Variants in NACA observed in about 807,000 individuals in gnomAD.
NACA encodes the protein nascent polypeptide-associated complex subunit alpha.
Under a neutral mutation model 86.4 loss-of-function variants are expected in NACA, and 42 were observed. That is an observed-to-expected ratio of 0.49 (90% CI 0.38 to 0.63). The LOEUF is 0.63. NACA is among the 20% of genes least tolerant of loss of function. The pLI is 0.00. For synonymous variants in NACA, 898 were observed against 973.7 expected, an observed-to-expected ratio of 0.92 and a Z score of 1.45; for missense variants, 2,157 against 2,483.6, an observed-to-expected ratio of 0.87 and a Z score of 2.80.
In NACA at chr12:56,718,971, C is replaced by T. The variant is rs376972317; in HGVS notation, c.2559G>A (p.Thr853=). ...FQGSKDSPAT[T]HSPTPPSPKG... Reference sequence around the variant, plus strand: ...TGGGGGATGGAGGAGTGGGAGAATGCGTCGTGGCTGGTGAGTCTTTAGAGC... The same window carrying T: ...TGGGGGATGGAGGAGTGGGAGAATGTGTCGTGGCTGGTGAGTCTTTAGAGC... Residue 853 remains threonine (T), a synonymous_variant, in exon 3 of 9, where the codon ACG becomes ACA. Coordinates refer to ENST00000454682, the MANE Select transcript of NACA (RefSeq NM_001365896.1). 58 of 1,446,524 alleles carry T rather than the reference C, an allele frequency of 4.0e-5. No homozygotes were observed. The highest frequency in any genetic ancestry group is 2.7e-4 in the African/African-American group (19 of 71,432). 89.6% of individuals were successfully genotyped at this position (1,446,524 alleles called of 1,614,324 possible).
chr12:56,716,943 T>G lies in NACA; in HGVS notation c.4587A>C (p.Pro1529=). 7.7e-7 allele frequency: 1 copy of G among 1,297,780 alleles called. No individual in the cohort carries two copies. Among genetic ancestry groups the G allele is most frequent in the Non-Finnish European group, 1.0e-6 (1 of 1,003,634 alleles). 80.4% of individuals were successfully genotyped at this position (1,297,780 alleles called of 1,614,324 possible). A position where few individuals can be genotyped will look rare whatever the true frequency, so the allele number is the denominator to read the frequency against. The part of the protein sequence containing the change: ...TPSSRRDPIA[P]TATLLSKKTP... Reference sequence around the variant, plus strand: ...TCTTTTTAGAGAGAAGAGTCGCTGTTGGGGCAATGGGGTCCCTTCTGGAGG... The same window carrying G: ...TCTTTTTAGAGAGAAGAGTCGCTGTGGGGGCAATGGGGTCCCTTCTGGAGG... Residue 1529 remains proline, a synonymous_variant, in exon 3 of 9, where the codon CCA becomes CCC. Transcript: ENST00000454682.
chr12:56,712,943 G>A lies in NACA; in HGVS notation c.6100-35C>T, dbSNP rs1308368973. ...GAGAGGGAAAAAGCAGTAAATTAAA[G>A]GCAAGAACAATTTCAGCAGTTCTTT... On this transcript the variant is annotated intron_variant, in intron 7 of 8. Transcript: ENST00000454682. The A allele has an allele frequency of 2.5e-6, 4 of 1,613,762 alleles. No homozygotes were observed. The East Asian group carries it at 6.7e-5, about 27-fold the overall frequency.
Position 56,717,641 on chromosome 12 carries a change from G to T in NACA, c.3889C>A (p.Pro1297Thr). ...GGTGAGGTAGCTGGGCCTCCTTTTG[G>T]AGAGGGAGGAGTTACAACTGCGGGA... ...PNPAVVTPPSPKGGPATSPPK... is the reference protein window; with the variant it reads ...PNPAVVTPPSTKGGPATSPPK... Residue 1297 changes from proline to threonine, a missense_variant, in exon 3 of 9, where the codon CCA becomes ACA. This residue lies in a region of NACA where 797 missense variants were observed against 777.6 expected (regional missense o/e 1.02). Coordinates refer to ENST00000454682, the MANE Select transcript of NACA (RefSeq NM_001365896.1). The T allele has an allele frequency of 8.1e-7, 1 of 1,235,242 alleles. No homozygotes were observed. The allele number at this position is 1,235,242 out of a possible 1,614,324, so 76.5% of individuals were successfully genotyped here.
rs767067855 is a variant in NACA, at chr12:56,720,605, G to C, written c.925C>G (p.Leu309Val). Residue 309 changes from leucine (L) to valine (V), a missense_variant, in exon 3 of 9, where the codon CTT becomes GTT. By Grantham distance (32) the Leu-to-Val change is conservative. Coordinates refer to ENST00000454682, the MANE Select transcript of NACA (RefSeq NM_001365896.1). ...AAAGAACTCTGATGTAAAGGTGCAA[G>C]ATGAGAGCCCAGAGAAATGGGAAAA... Reference protein sequence around the residue: ...PDFPISLGSHLAPLHQSSFGS... With the variant: ...PDFPISLGSHVAPLHQSSFGS... 1 of 1,613,910 alleles carries C rather than the reference G, an allele frequency of 6.2e-7. No individual in the cohort carries two copies. Among genetic ancestry groups the C allele is most frequent in the African/African-American group, 1.3e-5 (1 of 74,940 alleles).
In NACA at chr12:56,718,113, ACCTCC is replaced by A; in HGVS notation, c.3412_3416del (p.Gly1138SerfsTer205). On this transcript the variant is annotated frameshift_variant, in exon 3 of 9. Coordinates refer to ENST00000454682, the MANE Select transcript of NACA (RefSeq NM_001365896.1). LOFTEE classifies it high-confidence loss of function. The stretch of plus-strand genomic sequence containing the variant: ...CCCCTTTTGGGGGTGGGGTAGCTAG[ACCTCC>A]TTTTGGGGAGGGAGGAGTTGCAGCT... The A allele has an allele frequency of 1.1e-6, 1 of 887,556 alleles. No homozygotes were observed. The highest frequency in any genetic ancestry group is 1.3e-6 in the Non-Finnish European group (1 of 756,404). 55.0% of individuals were successfully genotyped at this position (887,556 alleles called of 1,614,324 possible).
At chr12:56,722,696 C>CAAAACAAAACAAAACAAAA (rs3837441) in intron 2 of NACA, among the ~76,000 whole-genome samples, 1 of 151,568 alleles carries the variant, frequency 6.6e-6, no homozygotes, top group South Asian at 2.1e-4. Context: ...CGTCTCAAAA[C>CAAAACAAAACAAAACAAAA]AAAACAAACC....
chr12:56,722,163 T>C (rs1953591400), intron 2 of NACA, among the ~76,000 whole-genome samples: 1 of 152,356 alleles, frequency 6.6e-6, no homozygotes, highest in East Asian at 1.9e-4. Context: ...TTAGCTTCTT[T>C]ATACCTTACC....
At chr12:56,721,536 A>G (rs765271329) in intron 2 of NACA, 77 bp from the exon 3 acceptor site, 25 of 889,844 alleles carry the variant, frequency 2.8e-5, no homozygotes, top group Non-Finnish European at 4.0e-5. Context: ...CCAACTTGGT[A>G]CAACATGCCT....
intron 2 of NACA, among the ~76,000 whole-genome samples, chr12:56,721,710 C>T (rs1249989706): frequency 6.6e-6 from 1 of 152,154 alleles, no homozygotes; most frequent in African/African-American, 2.4e-5. Flanking sequence ...CCAAAGTAAA[C>T]CAACTATTTT....
chr12:56,719,507 G>C lies in NACA; in HGVS notation c.2023C>G (p.Pro675Ala), dbSNP rs372550236. The C allele has an allele frequency of 8.1e-6, 13 of 1,613,826 alleles. No individual in the cohort carries two copies. The highest frequency in any genetic ancestry group is 1.1e-5 in the Non-Finnish European group (13 of 1,179,876). Residue 675 changes from proline to alanine, a missense_variant, in exon 3 of 9, where the codon CCT becomes GCT. By Grantham distance (27) the Pro-to-Ala change is conservative (BLOSUM62 -1). Around this residue, in one of 8 missense-constraint regions of NACA, gnomAD observed 947 missense variants for 917.9 expected, o/e 1.03. Transcript: ENST00000454682. ...GTSTYTTTAS[P>A]FLEGTVSLAP... ...AAAGAGACAGTTCCTTCTAGAAAAG[G>C]GCTGGCTGTAGTTGTATAAGTTGAG...
rs765597397 is a variant in NACA, at chr12:56,717,297, G to A, written c.4233C>T (p.Ser1411=). 3 of 1,343,910 alleles carry A rather than the reference G, an allele frequency of 2.2e-6. No homozygotes were observed. Among genetic ancestry groups the A allele is most frequent in the Admixed American group, 2.6e-5 (1 of 38,254 alleles). The allele number at this position is 1,343,910 out of a possible 1,614,324, so 83.2% of individuals were successfully genotyped here. Residue 1411 remains serine, a synonymous_variant, in exon 3 of 9, where the codon TCC becomes TCT. Transcript: ENST00000454682. ...CTGGAGTTGCTGGAGCCTTTTTGGG[G>A]GAGAGAGGAATCACTGCTGGGGAAG... ...DPTSPAVIPL[S]PKKAPATPVT...
rs1224008876 is a variant in NACA at position 56,721,238 on chromosome 12, C to A, written c.292G>T (p.Glu98Ter). Residue 98 changes from glutamate (E) to a stop codon, truncating the protein, a stop_gained, in exon 3 of 9, where the codon GAA (glutamate) becomes TAA (stop). Coordinates refer to ENST00000454682, the MANE Select transcript of NACA (RefSeq NM_001365896.1). LOFTEE classifies it high-confidence loss of function. ...AGGTTTGGTAGGAAGGTTGGGGCTT[C>A]AGGGGCAGTTCCCAAAGGTAGGGCT... The part of the protein sequence containing the change: ...GTALPLGTAP[E>*]APTFLPNLIG... 1 of 1,613,578 alleles carries A rather than the reference C, an allele frequency of 6.2e-7. No individual in the cohort carries two copies. The highest frequency in any genetic ancestry group is 8.5e-7 in the Non-Finnish European group (1 of 1,179,742).
rs376234480 is a variant in NACA at position 56,718,766 on chromosome 12, G to A, written c.2764C>T (p.Arg922Ter). The change falls in exon 3 of 9, where the codon CGA becomes TGA. Residue 922 changes from arginine to a stop codon, truncating the protein, a stop_gained. Transcript: ENST00000454682. LOFTEE classifies it high-confidence loss of function. ...SMTSSSPKKA[R>*]ATPAPKGIPA... Reference sequence around the variant, plus strand: ...ATTCCTTTAGGGGCTGGAGTTGCTCGGGCCTTTTTGGGGGAGGAAGAAGTC... The same window carrying A: ...ATTCCTTTAGGGGCTGGAGTTGCTCAGGCCTTTTTGGGGGAGGAAGAAGTC... 2.1e-5 allele frequency: 30 copies of A among 1,444,324 alleles called. No individual in the cohort carries two copies. The highest frequency in any genetic ancestry group is 4.2e-5 in the African/African-American group (3 of 71,088). 89.5% of individuals were successfully genotyped at this position (1,444,324 alleles called of 1,614,324 possible). A position where few individuals can be genotyped will look rare whatever the true frequency, so the allele number is the denominator to read the frequency against.
chr12:56,713,345 T>A lies in NACA; in HGVS notation c.5971-155A>T, dbSNP rs551443589. 3.2e-6 allele frequency: 4 copies of A among 1,233,378 alleles called. No individual in the cohort carries two copies. In the South Asian group the frequency reaches 4.5e-5, roughly 14 times the overall value. 76.4% of individuals were successfully genotyped at this position (1,233,378 alleles called of 1,614,324 possible). On this transcript the variant is annotated intron_variant, in intron 6 of 8. Transcript: ENST00000454682. ...CAGTAGAAAGAGTAGTTGTTTAGGT[T>A]TAGAGCAGTGGTTCTCAACTAGGGG...
chr12:56,720,917 G>A lies in NACA; in HGVS notation c.613C>T (p.Pro205Ser). ...GGAACAGTACTGACTATACATGGAGGGCTGGGGGTGCCTTTTGGATTAGGG... is the reference window on the plus strand; with the variant it reads ...GGAACAGTACTGACTATACATGGAGAGCTGGGGGTGCCTTTTGGATTAGGG... ...VVPNPKGTPS[P>S]PCIVSTVPYH... The change falls in exon 3 of 9, where the codon CCT (proline) becomes TCT (serine). Residue 205 changes from proline (P) to serine (S), a missense_variant. Around this residue, in one of 8 missense-constraint regions of NACA, gnomAD observed 947 missense variants for 917.9 expected, o/e 1.03. Coordinates refer to ENST00000454682, the MANE Select transcript of NACA (RefSeq NM_001365896.1). 1 of 1,613,982 alleles carries A rather than the reference G, an allele frequency of 6.2e-7. No homozygotes were observed. The highest frequency in any genetic ancestry group is 8.5e-7 in the Non-Finnish European group (1 of 1,179,878).
rs1953544411 is a variant in NACA, at chr12:56,720,590, G to C, written c.940C>G (p.Gln314Glu). 6 of 1,613,876 alleles carry C rather than the reference G, an allele frequency of 3.7e-6. No homozygotes were observed. The highest frequency in any genetic ancestry group is 5.1e-6 in the Non-Finnish European group (6 of 1,179,910). The change falls in exon 3 of 9, where the codon CAG becomes GAG. Residue 314 changes from glutamine to glutamate, a missense_variant. Physicochemically the swap from Gln to Glu is conservative, Grantham distance 29 (BLOSUM62 2). Transcript: ENST00000454682. ...SLGSHLAPLH[Q>E]SSFGSVQLLG... ...AGTTGGACAGAACCAAAAGAACTCT[G>C]ATGTAAAGGTGCAAGATGAGAGCCC...
At chr12:56,715,595 A>G (rs1432693741) in intron 3 of NACA, among the ~76,000 whole-genome samples, 1 of 152,170 alleles carries the variant, frequency 6.6e-6, no homozygotes, top group Non-Finnish European at 1.5e-5. Context: ...TCAATTAGGT[A>G]AAATAGATGG....
rs1953396628 is a variant in NACA, at chr12:56,717,173, T to C, written c.4357A>G (p.Lys1453Glu). Residue 1453 changes from lysine (K) to glutamate (E), a missense_variant, in exon 3 of 9, where the codon AAA becomes GAA. Physicochemically the swap from Lys to Glu is moderately conservative, Grantham distance 56. Around this residue, in one of 8 missense-constraint regions of NACA, gnomAD observed 797 missense variants for 777.6 expected, o/e 1.02. Coordinates refer to ENST00000454682, the MANE Select transcript of NACA (RefSeq NM_001365896.1). ...GAGGATGGGGTAGCTGGGCCTCCTT[T>C]GGGGGCTGAAGTTGCTGGGGCCTTT... ...LKKAPATSAP[K>E]GGPATPSSKG... is the part of the protein sequence containing the mutation. 5 of 1,294,330 alleles carry C rather than the reference T, an allele frequency of 3.9e-6. No individual in the cohort carries two copies. The highest frequency in any genetic ancestry group is 6.0e-5 in the Admixed American group (2 of 33,352). 80.2% of individuals were successfully genotyped at this position (1,294,330 alleles called of 1,614,324 possible).
intron 1 of NACA, chr12:56,724,884 A>G (rs1459348964): frequency 1.6e-5 from 4 of 246,568 alleles, no homozygotes; most frequent in Non-Finnish European, 3.2e-5. Context: ...CCAGGAGGGG[A>G]AAGACGGTGT....
Sources: allele counts gnomAD v4.1 joint callset (sites outside exome capture counted in the v4.1 genomes callset), GRCh38; gene constraint gnomAD v4.1.1; regional missense constraint gnomAD v4.1.1; transcripts MANE v1.5; gene names NCBI Gene and HGNC (gene_info 2026-07-23, HGNC 2026-07-21).